ZBTB7C: variants seen among roughly 807,000 people sequenced by gnomAD.
ZBTB7C encodes zinc finger and BTB domain containing 7C, also known as zinc finger and BTB domain-containing protein 7C.
Under a neutral mutation model 25.7 loss-of-function variants are expected in ZBTB7C, and 8 were observed. That is an observed-to-expected ratio of 0.31 (90% confidence interval 0.18 to 0.56). ZBTB7C has a LOEUF of 0.56. Ranked by LOEUF, ZBTB7C falls within the 20% of genes least tolerant of loss-of-function variation. The pLI, the probability that ZBTB7C is intolerant of heterozygous loss-of-function variation, is 0.91. For missense variants in ZBTB7C, 824 were observed against 855.2 expected, an observed-to-expected ratio of 0.96 and a Z score of 0.46; for synonymous variants, 394 against 369.0, an observed-to-expected ratio of 1.07 and a Z score of -0.78.
chr18:48,377,649 C>A (rs1291025658), intron 1 of ZBTB7C, among the ~76,000 whole-genome samples: 3 of 152,134 alleles, frequency 2.0e-5, no homozygotes, highest in Admixed American at 6.5e-5. Flanking sequence ...CATAAATACA[C>A]AAGAATGGGA....
intron 1 of ZBTB7C, among the ~76,000 whole-genome samples, chr18:48,375,246 C>T (rs947654651): frequency 1.3e-5 from 2 of 152,240 alleles, no homozygotes; most frequent in African/African-American, 4.8e-5. Context: ...AACCCACCCG[C>T]AGTCTCTCCC....
intron 1 of ZBTB7C, among the ~76,000 whole-genome samples, chr18:48,361,332 T>G (rs2047100427): frequency 6.6e-6 from 1 of 152,190 alleles, no homozygotes; most frequent in Non-Finnish European, 1.5e-5. Flanking sequence ...ATATTCCAGT[T>G]TGACAGACGA....
intron 1 of ZBTB7C, among the ~76,000 whole-genome samples, chr18:48,395,026 G>T (rs965942503): frequency 6.6e-6 from 1 of 152,072 alleles, no homozygotes; most frequent in African/African-American, 2.4e-5. Context: ...TTAATGTGCT[G>T]TGTGTGTGTG....
intron 3 of ZBTB7C, among the ~76,000 whole-genome samples, chr18:48,048,200 C>T (rs2036548564): frequency 6.9e-6 from 1 of 145,188 alleles, no homozygotes; most frequent in African/African-American, 2.5e-5. Flanking sequence ...GGTACCGATC[C>T]CTGTGGGCTG....
intron 2 of ZBTB7C, among the ~76,000 whole-genome samples, chr18:48,309,218 A>G (rs1343429451): frequency 2.0e-5 from 3 of 152,238 alleles, no homozygotes; most frequent in Non-Finnish European, 4.4e-5. Context: ...CCCGGAGACC[A>G]CTAGTCTCCA....
chr18:48,254,213 C>G (rs1277968762), intron 2 of ZBTB7C, among the ~76,000 whole-genome samples: 1 of 152,200 alleles, frequency 6.6e-6, no homozygotes, highest in Admixed American at 6.5e-5. Context: ...GACAAGAAAG[C>G]TGGAAGCTTA....
chr18:48,275,428 G>A (rs2044615938), intron 2 of ZBTB7C, among the ~76,000 whole-genome samples: 1 of 152,188 alleles, frequency 6.6e-6, no homozygotes, highest in Admixed American at 6.5e-5. Flanking sequence ...CTTGTGGGCA[G>A]GACACAGCCT....
chr18:48,137,270 C>T (rs2144809555), intron 3 of ZBTB7C: 2 of 985,474 alleles, frequency 2.0e-6, no homozygotes, highest in Non-Finnish European at 2.4e-6. Context: ...AGGACGATCT[C>T]ACCACTCGCG....
chr18:48,100,593 A>G (rs1467338008), intron 3 of ZBTB7C, among the ~76,000 whole-genome samples: 1 of 152,154 alleles, frequency 6.6e-6, no homozygotes, highest in African/African-American at 2.4e-5. Context: ...TGATTTTTTT[A>G]GCCTTAATTG....
intron 1 of ZBTB7C, among the ~76,000 whole-genome samples, chr18:48,404,474 C>T (rs990741114): frequency 6.6e-6 from 1 of 152,184 alleles, no homozygotes; most frequent in Non-Finnish European, 1.5e-5. Context: ...CGGTTGGTTA[C>T]ACAAGGGAGT....
chr18:48,227,651 C>T (rs1298012229), intron 2 of ZBTB7C, among the ~76,000 whole-genome samples: 2 of 152,208 alleles, frequency 1.3e-5, no homozygotes, highest in African/African-American at 2.4e-5. Flanking sequence ...TAGAGTTTTG[C>T]TAATTCTTTC....
chr18:48,155,699 TCA>T (rs2040822020), intron 3 of ZBTB7C, among the ~76,000 whole-genome samples: 1 of 152,164 alleles, frequency 6.6e-6, no homozygotes, highest in Non-Finnish European at 1.5e-5. Context: ...GATTTCCTTC[TCA>T]GTGCTATGAC....
intron 1 of ZBTB7C, among the ~76,000 whole-genome samples, chr18:48,355,981 A>G (rs2046968949): frequency 6.6e-6 from 1 of 152,152 alleles, no homozygotes; most frequent in African/African-American, 2.4e-5. Flanking sequence ...CATCCACAGC[A>G]GCAACAGGCA....
chr18:48,387,480 C>T (rs1007062419), intron 1 of ZBTB7C, among the ~76,000 whole-genome samples: 2 of 152,212 alleles, frequency 1.3e-5, no homozygotes, highest in Non-Finnish European at 2.9e-5. Flanking sequence ...CAGATAGCTG[C>T]CAGGTCTCAT....
At chr18:48,198,947 C>G (rs1321961169) in intron 2 of ZBTB7C, among the ~76,000 whole-genome samples, 2 of 152,236 alleles carry the variant, frequency 1.3e-5, no homozygotes, top group Admixed American at 6.5e-5. Context: ...GGCACATCAT[C>G]TGAGCCCATG....
At chr18:48,058,091 CAGCACCATCTG>C (rs1287992204) in intron 3 of ZBTB7C, among the ~76,000 whole-genome samples, 1 of 152,228 alleles carries the variant, frequency 6.6e-6, no homozygotes, top group East Asian at 1.9e-4. Context: ...GATGTTGTGT[CAGCACCATCTG>C]AGCTTCAAGA....
chr18:48,052,129 G>A (rs559974481), intron 3 of ZBTB7C, among the ~76,000 whole-genome samples: 2 of 152,236 alleles, frequency 1.3e-5, no homozygotes, highest in Admixed American at 6.5e-5. Context: ...ACTAGGCCAC[G>A]CGTTACTGAG....
chr18:48,053,175 T>C (rs1028946120), intron 3 of ZBTB7C, among the ~76,000 whole-genome samples: 6 of 152,158 alleles, frequency 3.9e-5, no homozygotes, highest in Non-Finnish European at 8.8e-5. Context: ...AGAGGAAAAG[T>C]GAGGAGGCAG....
chr18:48,193,649 C>T (rs2042251512), intron 2 of ZBTB7C, among the ~76,000 whole-genome samples: 1 of 152,220 alleles, frequency 6.6e-6, no homozygotes, highest in Non-Finnish European at 1.5e-5. Context: ...CCCCTGGCTG[C>T]TCCTGCTCTG....
Sources: gnomAD v4.1 joint callset for allele counts (sites outside exome capture counted in the v4.1 genomes callset) on GRCh38, gnomAD v4.1.1 for gene constraint, MANE v1.5 for transcripts, NCBI Gene and HGNC (gene_info 2026-07-23, HGNC 2026-07-21) for gene names.